Variants in AUTS2 observed in about 807,000 individuals in gnomAD.
The protein encoded by AUTS2 is autism susceptibility gene 2 protein.
AUTS2 carries 17 observed loss-of-function variants against 112.4 expected under a neutral mutation model. That is an observed-to-expected ratio of 0.15 (90% CI 0.10 to 0.23). AUTS2 has a LOEUF of 0.23. Ranked by LOEUF, AUTS2 falls within the 10% of genes least tolerant of loss-of-function variation. The probability of loss-of-function intolerance (pLI) is 1.00; values close to 1 mark genes in which losing one functional copy is unlikely to be tolerated. For missense variants in AUTS2, 1,510 were observed against 1,701.6 expected, an observed-to-expected ratio of 0.89 and a Z score of 1.98; for synonymous variants, 751 against 702.7, an observed-to-expected ratio of 1.07 and a Z score of -1.09.
At chr7:69,772,695 A>C (rs960436450) in intron 1 of AUTS2, among the ~76,000 whole-genome samples, 1 of 152,192 alleles carries the variant, frequency 6.6e-6, no homozygotes, top group Admixed American at 6.5e-5. Context: ...TGGCCTCCCA[A>C]AGTGCTGAGA....
intron 4 of AUTS2, among the ~76,000 whole-genome samples, chr7:70,241,075 C>T (rs538693844): frequency 2.0e-5 from 3 of 152,160 alleles, no homozygotes; most frequent in Non-Finnish European, 2.9e-5. Flanking sequence ...GGAAGCCTTC[C>T]CAGTCAGCTT....
chr7:70,714,910 G>A (rs1184612338), intron 6 of AUTS2, among the ~76,000 whole-genome samples: 3 of 152,196 alleles, frequency 2.0e-5, no homozygotes, highest in African/African-American at 7.2e-5. Flanking sequence ...AGTAAGTTTA[G>A]GTTGTGGCAA....
At chr7:69,866,145 C>G (rs1285086780) in intron 1 of AUTS2, among the ~76,000 whole-genome samples, 1 of 152,178 alleles carries the variant, frequency 6.6e-6, no homozygotes, top group Non-Finnish European at 1.5e-5. Context: ...GTCTTTTGCT[C>G]CCAAGCCTGC....
At chr7:70,503,932 A>G (rs928111744) in intron 5 of AUTS2, among the ~76,000 whole-genome samples, 4 of 151,676 alleles carry the variant, frequency 2.6e-5, no homozygotes, top group African/African-American at 9.7e-5. Flanking sequence ...ATTTTACATC[A>G]GCCATCTCCC....
At chr7:69,702,916 C>T (rs1375943749) in intron 1 of AUTS2, among the ~76,000 whole-genome samples, 3 of 152,168 alleles carry the variant, frequency 2.0e-5, no homozygotes, top group African/African-American at 4.8e-5. Context: ...TATGTAGGCA[C>T]AGCACAAAGC....
intron 3 of AUTS2, among the ~76,000 whole-genome samples, chr7:70,125,780 C>A (rs2129574117): frequency 6.6e-6 from 1 of 152,316 alleles, no homozygotes; most frequent in East Asian, 1.9e-4. Flanking sequence ...TCTCTTCTCT[C>A]AAATATTATT....
At chr7:69,735,445 A>G (rs946301529) in intron 1 of AUTS2, among the ~76,000 whole-genome samples, 7 of 152,200 alleles carry the variant, frequency 4.6e-5, no homozygotes, top group Non-Finnish European at 1.0e-4. Context: ...AACAGGTTTA[A>G]CAGAAGGGAC....
chr7:70,275,014 A>C (rs898718249), intron 4 of AUTS2, among the ~76,000 whole-genome samples: 1 of 152,226 alleles, frequency 6.6e-6, no homozygotes, highest in African/African-American at 2.4e-5. Flanking sequence ...TTGTAAATGA[A>C]TAAATAAAAT....
chr7:70,081,932 A>AAG (rs1337900663), intron 2 of AUTS2, among the ~76,000 whole-genome samples: 2 of 123,314 alleles, frequency 1.6e-5, no homozygotes, highest in Non-Finnish European at 3.3e-5. Flanking sequence ...TTTTTCTGTG[A>AAG]AGAGTGTGTG....
intron 1 of AUTS2, among the ~76,000 whole-genome samples, chr7:69,732,437 G>GT (rs1443814707): frequency 3.3e-5 from 5 of 152,088 alleles, no homozygotes; most frequent in Non-Finnish European, 7.4e-5. Flanking sequence ...TGCGTGAGGT[G>GT]TGTCAGCCAC....
At chr7:70,190,925 T>G (rs1329455564) in intron 4 of AUTS2, among the ~76,000 whole-genome samples, 1 of 152,150 alleles carries the variant, frequency 6.6e-6, no homozygotes, top group African/African-American at 2.4e-5. Context: ...TCTGTTAAAA[T>G]AATGTAAAAT....
At chr7:70,652,522 C>T (rs1222272101) in intron 5 of AUTS2, among the ~76,000 whole-genome samples, 7 of 152,298 alleles carry the variant, frequency 4.6e-5, no homozygotes, top group African/African-American at 1.7e-4. Context: ...TAAAAGACTA[C>T]ACTGAGAGAG....
rs759884979 is a variant in AUTS2, at chr7:69,993,816, C to T, written c.522+94318C>T. ...ATATAATCCCAGTATGTTTTTATTT[C>T]TTTCTACAGATAGGGGAAGGTGATC... On this transcript the variant is annotated intron_variant, in intron 2 of 18. Coordinates refer to ENST00000342771, the MANE Select transcript of AUTS2 (RefSeq NM_015570.4). 3.9e-5 allele frequency among the ~76,000 whole-genome samples: 6 copies of T among 152,222 alleles called. No individual in the cohort carries two copies. In the East Asian group the frequency reaches 1.2e-3, roughly 29 times the overall value.
chr7:70,170,028 A>G (rs1808585627), intron 4 of AUTS2, among the ~76,000 whole-genome samples: 1 of 152,040 alleles, frequency 6.6e-6, no homozygotes, highest in African/African-American at 2.4e-5. Context: ...TATTAAAAAC[A>G]TTCATTTGCT....
chr7:69,750,425 TTATATTAG>T (rs1361752982), intron 1 of AUTS2, among the ~76,000 whole-genome samples: 10 of 148,482 alleles, frequency 6.7e-5, no homozygotes, highest in African/African-American at 2.2e-4. Flanking sequence ...ATTAGTAGTA[TTATATTAG>T]TATATTAGTA....
intron 1 of AUTS2, among the ~76,000 whole-genome samples, chr7:69,680,944 A>G (rs1796764445): frequency 1.3e-5 from 2 of 152,238 alleles, no homozygotes; most frequent in South Asian, 4.1e-4. Flanking sequence ...TGCTGGGATT[A>G]CAGGCATGAA....
In AUTS2 at chr7:69,752,470, A is replaced by G. The variant is rs993686655; in HGVS notation, c.310-146816A>G. On this transcript the variant is annotated intron_variant, in intron 1 of 18. Coordinates refer to ENST00000342771, the MANE Select transcript of AUTS2 (RefSeq NM_015570.4). The stretch of plus-strand genomic sequence containing the variant: ...ACTCTGTATCTAATTTCTGAACCAG[A>G]TGCCGTGAATAACTGCCCCTGAATG... 2.0e-5 allele frequency among the ~76,000 whole-genome samples: 3 copies of G among 152,224 alleles called. 1 individual carries two copies. Among genetic ancestry groups the G allele is most frequent in the Non-Finnish European group, 4.4e-5 (3 of 68,042 alleles).
At chr7:69,747,358 C>G (rs756593279) in intron 1 of AUTS2, among the ~76,000 whole-genome samples, 3 of 152,096 alleles carry the variant, frequency 2.0e-5, no homozygotes, top group Non-Finnish European at 2.9e-5. Flanking sequence ...GTGGTATGAC[C>G]TTGGATATGG....
intron 2 of AUTS2, among the ~76,000 whole-genome samples, chr7:70,046,231 T>C (rs930628418): frequency 4.3e-4 from 65 of 152,152 alleles, no homozygotes; most frequent in Non-Finnish European, 1.0e-4. Context: ...GTTAAGAGCA[T>C]GAACTCTAGG....
Sources: allele counts gnomAD v4.1 joint callset (sites outside exome capture counted in the v4.1 genomes callset), GRCh38; gene constraint gnomAD v4.1.1; transcripts MANE v1.5; gene names NCBI Gene and HGNC (gene_info 2026-07-23, HGNC 2026-07-21).